Variants in DNAH11 observed in about 807,000 individuals in gnomAD.
DNAH11 encodes the protein dynein axonemal heavy chain 11, also known as axonemal beta dynein heavy chain 11.
A neutral mutation model predicts 526.0 loss-of-function variants in DNAH11; 442 were observed. The ratio of observed to expected loss-of-function variants is 0.84; its 90% CI spans 0.78 to 0.91. The LOEUF is 0.91. Ranked by LOEUF, DNAH11 falls within the 40% of genes least tolerant of loss-of-function variation. The pLI is 0.00. For synonymous variants in DNAH11, 2,461 were observed against 1,935.9 expected (o/e 1.27, Z -7.12); for missense variants, 6,989 against 5,448.7 (o/e 1.28, Z -8.90).
intron 51 of DNAH11, among the ~76,000 whole-genome samples, chr7:21,746,669 G>T (rs1786165858): frequency 6.6e-6 from 1 of 152,118 alleles, no homozygotes; most frequent in African/African-American, 2.4e-5. Flanking sequence ...TCAGTTTTTA[G>T]AAGAATTAAT....
At chr7:21,657,854 A>G (rs937939086) in intron 29 of DNAH11, among the ~76,000 whole-genome samples, 1 of 152,134 alleles carries the variant, frequency 6.6e-6, no homozygotes, top group African/African-American at 2.4e-5. Flanking sequence ...GAGGTTGTCC[A>G]CTCATTAACC....
At chr7:21,665,668 T>G (rs1490976903) in intron 30 of DNAH11, among the ~76,000 whole-genome samples, 1 of 152,180 alleles carries the variant, frequency 6.6e-6, no homozygotes, top group Non-Finnish European at 1.5e-5. Flanking sequence ...GTTCTAGAGT[T>G]AAATAGTGCT....
chr7:21,638,919 A>C lies in DNAH11; in HGVS notation c.4818-20A>C, dbSNP rs766338273. On this transcript the variant is annotated intron_variant, in intron 27 of 81. Transcript: ENST00000409508. Reference sequence around the variant, plus strand: ...ACTGAAGGGACAAGATATGCTTAAAAACATTTTTCATTCATGTAGGCTTTC... The same window carrying C: ...ACTGAAGGGACAAGATATGCTTAAACACATTTTTCATTCATGTAGGCTTTC... The C allele has an allele frequency of 3.1e-6, 5 of 1,593,898 alleles. No homozygotes were observed. The highest frequency in any genetic ancestry group is 1.8e-5 in the Admixed American group (1 of 55,100).
intron 2 of DNAH11, among the ~76,000 whole-genome samples, chr7:21,557,212 G>T (rs1055236288): frequency 6.6e-6 from 1 of 152,078 alleles, no homozygotes; most frequent in East Asian, 1.9e-4. Context: ...TCTCTCAGGG[G>T]TACTGGCTCT....
Position 21,702,753 on chromosome 7 carries a change from T to A in DNAH11, c.6224T>A (p.Val2075Asp). The stretch of plus-strand genomic sequence containing the variant: ...CTTCGTGCTATTAAGTCTGTCTTGG[T>A]TGTGGCTGGATCTCTGAAACGAGGA... ...WGLRAIKSVL[V>D]VAGSLKRGDK... Residue 2075 changes from valine to aspartate, a missense_variant, in exon 37 of 82, where the codon GTT becomes GAT. Transcript: ENST00000409508. 2.5e-6 allele frequency: 4 copies of A among 1,613,724 alleles called. No homozygotes were observed. Among genetic ancestry groups the A allele is most frequent in the Non-Finnish European group, 3.4e-6 (4 of 1,179,782 alleles).
At chr7:21,716,636 G>A (rs1784675537) in intron 42 of DNAH11, among the ~76,000 whole-genome samples, 1 of 152,126 alleles carries the variant, frequency 6.6e-6, no homozygotes, top group African/African-American at 2.4e-5. Flanking sequence ...CTGATATGGG[G>A]TAAAATCAGT....
intron 42 of DNAH11, among the ~76,000 whole-genome samples, chr7:21,717,278 A>G (rs965291085): frequency 6.6e-6 from 1 of 152,090 alleles, no homozygotes; most frequent in Non-Finnish European, 1.5e-5. Flanking sequence ...ACTCGTTAGC[A>G]GCTATCAGAT....
chr7:21,748,272 T>A (rs1372998221), intron 51 of DNAH11, among the ~76,000 whole-genome samples: 1 of 152,142 alleles, frequency 6.6e-6, no homozygotes, highest in African/African-American at 2.4e-5. Flanking sequence ...TCACTTGAGA[T>A]CAGGAGTTCA....
chr7:21,610,531 G>A (rs936572584), intron 20 of DNAH11, among the ~76,000 whole-genome samples: 4 of 152,062 alleles, frequency 2.6e-5, no homozygotes, highest in East Asian at 1.9e-4. Context: ...ACACCATTAC[G>A]CATAAGAGTC....
intron 69 of DNAH11, among the ~76,000 whole-genome samples, chr7:21,862,605 C>G (rs543396052): frequency 6.6e-6 from 1 of 152,014 alleles, no homozygotes; most frequent in Non-Finnish European, 1.5e-5. Flanking sequence ...AAACATGTAT[C>G]GAAGCATCAC....
At chr7:21,615,410 A>G in intron 21 of DNAH11, 138 bp downstream of exon 21, 1 of 857,688 alleles carries the variant, frequency 1.2e-6, no homozygotes, top group Non-Finnish European at 1.7e-6. Flanking sequence ...CCAGCCCCAA[A>G]TTAGAGTTCA....
chr7:21,654,705 G>T (rs531508973), intron 28 of DNAH11, among the ~76,000 whole-genome samples: 1 of 152,152 alleles, frequency 6.6e-6, no homozygotes, highest in Non-Finnish European at 1.5e-5. Flanking sequence ...TGAATAACAA[G>T]GGAACATGTA....
chr7:21,760,627 G>A (rs1198115446), intron 54 of DNAH11, among the ~76,000 whole-genome samples: 1 of 152,172 alleles, frequency 6.6e-6, no homozygotes, highest in Non-Finnish European at 1.5e-5. Context: ...GGGAGGTTTT[G>A]CTTCATATAT....
intron 2 of DNAH11, among the ~76,000 whole-genome samples, chr7:21,548,342 G>A (rs116741998): frequency 0.013 from 2,033 of 152,236 alleles, 42 homozygotes; most frequent in African/African-American, 0.045. Flanking sequence ...TAGTATAACT[G>A]ATGAATTTTT....
intron 25 of DNAH11, among the ~76,000 whole-genome samples, chr7:21,627,249 A>C (rs79565644): frequency 0.028 from 4,229 of 152,102 alleles, 195 homozygotes; most frequent in African/African-American, 0.096. Context: ...AATTGTTTCT[A>C]TTGCTGTGCA....
chr7:21,806,784 C>G (rs148097933), intron 62 of DNAH11, among the ~76,000 whole-genome samples: 1 of 152,140 alleles, frequency 6.6e-6, no homozygotes, highest in African/African-American at 2.4e-5. Flanking sequence ...TCAATCCATA[C>G]ATATTTATTG....
At chr7:21,545,176 G>C (rs998636530) in intron 2 of DNAH11, 27 bp downstream of exon 2, 46 of 1,508,222 alleles carry the variant, frequency 3.0e-5, no homozygotes, top group African/African-American at 1.3e-4. Flanking sequence ...AATATTTAAA[G>C]CTTTCACTTA....
intron 12 of DNAH11, among the ~76,000 whole-genome samples, chr7:21,589,642 G>A (rs1236459816): frequency 6.6e-6 from 1 of 151,988 alleles, no homozygotes; most frequent in Non-Finnish European, 1.5e-5. Context: ...TAGATAATGA[G>A]CCACTGAGAG....
chr7:21,607,496 G>C (rs7803149), intron 20 of DNAH11, among the ~76,000 whole-genome samples: 1 of 151,906 alleles, frequency 6.6e-6, no homozygotes, highest in African/African-American at 2.4e-5. Flanking sequence ...GTAATCATAC[G>C]AGAGACAGTA....
Sources: gnomAD v4.1 joint callset for allele counts (sites outside exome capture counted in the v4.1 genomes callset) on GRCh38, gnomAD v4.1.1 for gene constraint, MANE v1.5 for transcripts, NCBI Gene and HGNC (gene_info 2026-07-23, HGNC 2026-07-21) for gene names.